Variants in NBAS observed in about 807,000 individuals in gnomAD.
NBAS encodes the protein NBAS subunit of NRZ tethering complex, also known as NAG/BC035112 fusion.
In NBAS, 219 loss-of-function variants were observed where a neutral mutation model predicts 302.5. The ratio of observed to expected loss-of-function variants is 0.72; its 90% CI spans 0.65 to 0.81. NBAS has a LOEUF of 0.81. Ranked by LOEUF, NBAS falls within the 30% of genes least tolerant of loss-of-function variation. The probability of loss-of-function intolerance (pLI) is 0.00; values close to 1 mark genes in which losing one functional copy is unlikely to be tolerated. For synonymous variants in NBAS, 1,118 were observed against 1,021.6 expected, an observed-to-expected ratio of 1.09 and a Z score of -1.80; for missense variants, 2,932 against 2,841.6, an observed-to-expected ratio of 1.03 and a Z score of -0.72.
intron 12 of NBAS, among the ~76,000 whole-genome samples, chr2:15,486,877 C>T (rs1381457957): frequency 6.6e-6 from 1 of 151,150 alleles, no homozygotes; most frequent in Non-Finnish European, 1.5e-5. Flanking sequence ...TGAGCATATT[C>T]CAATAAGGGC....
the NBAS span, among the ~76,000 whole-genome samples, chr2:14,900,388 GA>G: frequency 2.7e-5 from 4 of 150,382 alleles, no homozygotes; most frequent in Admixed American, 6.6e-5. Context: ...GTTCCAAGAA[GA>G]AAAAAAAAGG....
chr2:15,042,669 T>A, the NBAS span, among the ~76,000 whole-genome samples: 1 of 152,162 alleles, frequency 6.6e-6, no homozygotes, highest in Non-Finnish European at 1.5e-5. Context: ...CTGCCCCCTT[T>A]CTTAGAGGAG....
chr2:15,230,937 CCAAA>C (rs2147923993), intron 47 of NBAS, among the ~76,000 whole-genome samples: 1 of 152,326 alleles, frequency 6.6e-6, no homozygotes, highest in East Asian at 1.9e-4. Flanking sequence ...TCTATCTCCT[CCAAA>C]CAGACTGTTC....
At chr2:15,500,502 TCACACACACA>T (rs72095633) in intron 11 of NBAS, among the ~76,000 whole-genome samples, 21 of 136,230 alleles carry the variant, frequency 1.5e-4, no homozygotes, top group South Asian at 9.6e-4. Flanking sequence ...TTTAGAAGTC[TCACACACACA>T]CACACACACA....
chr2:14,830,454 G>T, the NBAS span, among the ~76,000 whole-genome samples: 1 of 152,200 alleles, frequency 6.6e-6, no homozygotes, highest in South Asian at 2.1e-4. Context: ...TAAACACCCA[G>T]AAAAAATTGG....
the NBAS span, among the ~76,000 whole-genome samples, chr2:14,937,400 G>A: frequency 2.0e-5 from 3 of 152,282 alleles, no homozygotes; most frequent in African/African-American, 7.2e-5. Context: ...CAGATAGGCA[G>A]CAGAAGACAA....
In NBAS at chr2:15,186,744, C is replaced by T. The variant is rs749317313; in HGVS notation, c.6709G>A (p.Glu2237Lys). The change falls in exon 50 of 52, where the codon GAG becomes AAG. Residue 2237 changes from glutamate to lysine, a missense_variant and splice_region_variant. Glu to Lys is a moderately conservative substitution (Grantham distance 56). Coordinates refer to ENST00000281513, the MANE Select transcript of NBAS (RefSeq NM_015909.4). ...AAGCACTCAAAATATCCACTCACCT[C>T]TGCAGGCAGCATCTGCTTGGTGTTA... ...LYNTKQMLPA[E>K]GVKELCLLLL... is the part of the protein sequence containing the mutation. 54 of 1,613,730 alleles carry T rather than the reference C, an allele frequency of 3.3e-5. No individual in the cohort carries two copies. Among genetic ancestry groups the T allele is most frequent in the Non-Finnish European group, 4.5e-5 (53 of 1,179,938 alleles).
At chr2:14,878,477 C>T in the NBAS span, among the ~76,000 whole-genome samples, 1 of 152,120 alleles carries the variant, frequency 6.6e-6, no homozygotes, top group Admixed American at 6.6e-5. Flanking sequence ...GGGCCAGCTT[C>T]CTTTGGCCAA....
chr2:15,033,513 G>A, the NBAS span, among the ~76,000 whole-genome samples: 30 of 152,216 alleles, frequency 2.0e-4, no homozygotes, highest in African/African-American at 7.2e-4. Context: ...TAAATTTGGG[G>A]GCCTGGGGTG....
In NBAS at chr2:15,461,453, G is replaced by C. The variant is rs982249649; in HGVS notation, c.2203-116C>G. On this transcript the variant is annotated intron_variant, in intron 20 of 51. Coordinates refer to ENST00000281513, the MANE Select transcript of NBAS (RefSeq NM_015909.4). ...ATGCAGCTCTGATATGAAACACCTT[G>C]AAATGACCCTAGTTTTTCCTAGCCT... 6 of 1,062,774 alleles carry C rather than the reference G, an allele frequency of 5.6e-6. No individual in the cohort carries two copies. The Admixed American group carries it at 1.2e-4, about 20-fold the overall frequency. The allele number at this position is 1,062,774 out of a possible 1,614,324, so 65.8% of individuals were successfully genotyped here. A position where few individuals can be genotyped will look rare whatever the true frequency, so the allele number is the denominator to read the frequency against.
intron 25 of NBAS, among the ~76,000 whole-genome samples, chr2:15,407,626 G>T (rs144045894): frequency 6.6e-6 from 1 of 152,284 alleles, no homozygotes; most frequent in East Asian, 1.9e-4. Context: ...ATGTTGCTAC[G>T]TACACAGCAG....
intron 35 of NBAS, among the ~76,000 whole-genome samples, chr2:15,337,310 G>A (rs1162410443): frequency 6.6e-6 from 1 of 152,044 alleles, no homozygotes; most frequent in Non-Finnish European, 1.5e-5. Context: ...GGGGGAAAGG[G>A]TGGGAAGGAG....
At chr2:14,978,086 T>C in the NBAS span, among the ~76,000 whole-genome samples, 4 of 152,170 alleles carry the variant, frequency 2.6e-5, no homozygotes, top group African/African-American at 9.7e-5. Flanking sequence ...TATCCTGTCT[T>C]GACTTATGTT....
the NBAS span, among the ~76,000 whole-genome samples, chr2:14,850,155 C>T: frequency 5.9e-5 from 8 of 134,708 alleles, no homozygotes; most frequent in Non-Finnish European, 1.1e-4. Flanking sequence ...AGAGTCAAGA[C>T]CCATCAGTGT....
At chr2:14,963,881 A>C in the NBAS span, among the ~76,000 whole-genome samples, 1 of 152,334 alleles carries the variant, frequency 6.6e-6, no homozygotes. Flanking sequence ...AGTCTCCCTA[A>C]CCCATTCCCA....
the NBAS span, among the ~76,000 whole-genome samples, chr2:14,976,873 C>A: frequency 6.3e-3 from 955 of 152,320 alleles, 12 homozygotes; most frequent in African/African-American, 0.021. Flanking sequence ...GAAGGATTCT[C>A]CCCTAGAGTC....
chr2:15,065,510 C>T, the NBAS span, among the ~76,000 whole-genome samples: 1 of 152,192 alleles, frequency 6.6e-6, no homozygotes, highest in African/African-American at 2.4e-5. Flanking sequence ...AAAAACTCCA[C>T]ACACGAAATA....
chr2:15,096,300 A>T, the NBAS span, among the ~76,000 whole-genome samples: 1 of 152,200 alleles, frequency 6.6e-6, no homozygotes, highest in Non-Finnish European at 1.5e-5. Context: ...CTGGTCAAAG[A>T]GAGACAGAGA....
At position 15,220,056 on chromosome 2, in the gene NBAS, C is replaced by T. The variant is rs1377159772; in HGVS notation, c.6237-1088G>A. Reference sequence around the variant, plus strand: ...CTGATCCCCCCACCTCCCTCCCGGACGGGGCGGCTGGCCGGGCGGGGGGCT... The same window carrying T: ...CTGATCCCCCCACCTCCCTCCCGGATGGGGCGGCTGGCCGGGCGGGGGGCT... On this transcript the variant is annotated intron_variant, in intron 47 of 51. Coordinates refer to ENST00000281513, the MANE Select transcript of NBAS (RefSeq NM_015909.4). 7.5e-3 allele frequency among the ~76,000 whole-genome samples: 1,065 copies of T among 141,774 alleles called. 2 individuals carry two copies. The highest frequency in any genetic ancestry group is 0.027 in the African/African-American group (997 of 37,580). 93.0% of individuals were successfully genotyped at this position (141,774 alleles called of 152,430 possible). A position where few individuals can be genotyped will look rare whatever the true frequency, so the allele number is the denominator to read the frequency against.
Sources: allele counts gnomAD v4.1 joint callset (sites outside exome capture counted in the v4.1 genomes callset), GRCh38; gene constraint gnomAD v4.1.1; transcripts MANE v1.5; gene names NCBI Gene and HGNC (gene_info 2026-07-23, HGNC 2026-07-21).